Variants in TAFA5 observed in about 807,000 individuals in gnomAD.
TAFA5 encodes the protein TAFA chemokine like family member 5, also known as chemokine-like protein TAFA-5.
In TAFA5, 6 loss-of-function variants were observed where a neutral mutation model predicts 15.3. The observed-to-expected ratio is 0.39, with a 90% confidence interval of 0.21 to 0.77. TAFA5 has a LOEUF of 0.77. TAFA5 is among the 30% of genes least tolerant of loss of function. TAFA5 has a pLI of 0.41. For missense variants in TAFA5, 161 were observed against 193.1 expected (o/e 0.83, Z 0.98); for synonymous variants, 103 against 80.7 (o/e 1.28, Z -1.48).
chr22:48,607,284 G>A (rs890991174), intron 1 of TAFA5, among the ~76,000 whole-genome samples: 1 of 134,262 alleles, frequency 7.4e-6, no homozygotes, highest in African/African-American at 2.9e-5. Flanking sequence ...TCAGCCTGGA[G>A]CAGATCTGTC....
At chr22:48,581,636 C>A (rs148478146) in intron 1 of TAFA5, among the ~76,000 whole-genome samples, 12,016 of 152,162 alleles carry the variant, frequency 0.079, 628 homozygotes, top group African/African-American at 0.15. Flanking sequence ...AGGCCGGGTT[C>A]GGGGGCAACC....
At chr22:48,675,069 G>A (rs1249753790) in intron 2 of TAFA5, among the ~76,000 whole-genome samples, 2 of 152,040 alleles carry the variant, frequency 1.3e-5, no homozygotes, top group Non-Finnish European at 2.9e-5. Flanking sequence ...AGCCTCCCGA[G>A]TAGCTGGGAT....
At chr22:48,614,913 G>A (rs911540784) in intron 1 of TAFA5, among the ~76,000 whole-genome samples, 6 of 152,166 alleles carry the variant, frequency 3.9e-5, no homozygotes, top group Non-Finnish European at 8.8e-5. Flanking sequence ...TCAGCAGAGC[G>A]GGCCTGGCCT....
At chr22:48,699,940 C>G (rs1042850333) in intron 2 of TAFA5, among the ~76,000 whole-genome samples, 4 of 152,260 alleles carry the variant, frequency 2.6e-5, no homozygotes, top group Admixed American at 2.6e-4. Flanking sequence ...ACATTGAGCT[C>G]CTGCCTCTTC....
At chr22:48,623,951 G>A (rs1433036093) in intron 1 of TAFA5, among the ~76,000 whole-genome samples, 1 of 152,158 alleles carries the variant, frequency 6.6e-6, no homozygotes, top group Non-Finnish European at 1.5e-5. Flanking sequence ...ACTGGCATTG[G>A]CTTGTCATCT....
chr22:48,692,817 G>A (rs140483265), intron 2 of TAFA5, among the ~76,000 whole-genome samples: 84 of 152,316 alleles, frequency 5.5e-4, no homozygotes, highest in Middle Eastern at 3.4e-3. Flanking sequence ...GGAAGCAGCC[G>A]TGTGTCCTCA....
intron 2 of TAFA5, among the ~76,000 whole-genome samples, chr22:48,659,639 G>A (rs1363475508): frequency 2.6e-5 from 4 of 151,294 alleles, no homozygotes; most frequent in Non-Finnish European, 1.5e-5. Flanking sequence ...ACTTGTTCTC[G>A]CCCTGTCCTG....
intron 2 of TAFA5, among the ~76,000 whole-genome samples, chr22:48,706,575 T>C (rs764217069): frequency 6.6e-6 from 1 of 152,172 alleles, no homozygotes; most frequent in Non-Finnish European, 1.5e-5. Context: ...TTCTCCCTAA[T>C]CTCCCGCCAT....
chr22:48,545,448 G>A (rs915215544), intron 1 of TAFA5: 3 of 171,502 alleles, frequency 1.7e-5, no homozygotes, highest in Admixed American at 1.1e-4. Flanking sequence ...AGTGGATAGC[G>A]CAGCACACAG....
At chr22:48,743,700 C>T (rs866657487) in intron 3 of TAFA5, among the ~76,000 whole-genome samples, 2 of 152,210 alleles carry the variant, frequency 1.3e-5, no homozygotes, top group African/African-American at 2.4e-5. Context: ...GAGGCGCTGA[C>T]GTCTCTGATG....
chr22:48,632,413 C>G (rs1350303844), intron 1 of TAFA5, among the ~76,000 whole-genome samples: 1 of 150,966 alleles, frequency 6.6e-6, no homozygotes. Context: ...TTGCTTTGCC[C>G]CGACCCCTTT....
In TAFA5 at chr22:48,749,882, T is replaced by C. The variant is rs746651384; in HGVS notation, c.*35T>C. 1 of 1,550,178 alleles carries C rather than the reference T, an allele frequency of 6.5e-7. No individual in the cohort carries two copies. Among genetic ancestry groups the C allele is most frequent in the East Asian group, 2.4e-5 (1 of 41,118 alleles). On this transcript the variant is annotated 3_prime_UTR_variant, in exon 4 of 4. Coordinates refer to ENST00000402357, the MANE Select transcript of TAFA5 (RefSeq NM_001082967.3). The stretch of plus-strand genomic sequence containing the variant: ...CCCCTGAGGGGCCCCGGGAGTGGCC[T>C]TGGCTCCCTGGAGAGCCCACGTCTC...
chr22:48,656,377 G>C (rs940546687), intron 2 of TAFA5, among the ~76,000 whole-genome samples: 1 of 151,968 alleles, frequency 6.6e-6, no homozygotes, highest in East Asian at 1.9e-4. Flanking sequence ...GTGGTGGCAG[G>C]TGCCTGTAGT....
At chr22:48,707,983 C>G (rs1259674458) in intron 3 of TAFA5, 139 bp downstream of exon 3, 1 of 1,078,862 alleles carries the variant, frequency 9.3e-7, no homozygotes, top group South Asian at 1.5e-5. Flanking sequence ...GGCCCTGTCT[C>G]CTCCCCCACC....
At position 48,550,904 on chromosome 22, in the gene TAFA5, C is replaced by T. The variant is rs528221268; in HGVS notation, c.112+61200C>T. Among the ~76,000 whole-genome samples the T allele has an allele frequency of 5.1e-4, 77 of 152,156 alleles. No individual in the cohort carries two copies. The highest frequency in any genetic ancestry group is 1.8e-3 in the African/African-American group (74 of 41,530). ...TCACCTGGGGGTGAGGCAGACATTC[C>T]TAGTCCTGCTTGGGGCATCGTAAGA... On this transcript the variant is annotated intron_variant, in intron 1 of 3. Coordinates refer to ENST00000402357, the MANE Select transcript of TAFA5 (RefSeq NM_001082967.3). This position sits in a 1 kb window ranked among gnomAD's most constrained non-coding sequence, Gnocchi z 4.1.
chr22:48,522,522 G>A (rs1420322329), intron 1 of TAFA5, among the ~76,000 whole-genome samples: 4 of 152,222 alleles, frequency 2.6e-5, no homozygotes, highest in Admixed American at 1.3e-4. Flanking sequence ...CGCGTCCTCC[G>A]CTTCTGGAAA....
At chr22:48,531,551 A>T (rs1225883507) in intron 1 of TAFA5, among the ~76,000 whole-genome samples, 1 of 152,138 alleles carries the variant, frequency 6.6e-6, no homozygotes, top group Non-Finnish European at 1.5e-5. Context: ...TTGGTTTGGC[A>T]TTGGCGTCAG....
At chr22:48,697,507 A>G (rs1160495871) in intron 2 of TAFA5, among the ~76,000 whole-genome samples, 1 of 151,680 alleles carries the variant, frequency 6.6e-6, no homozygotes, top group Non-Finnish European at 1.5e-5. Context: ...GAAGGTTATG[A>G]TAATGACATT....
intron 2 of TAFA5, among the ~76,000 whole-genome samples, chr22:48,681,504 A>G (rs1267972873): frequency 6.7e-6 from 1 of 149,926 alleles, no homozygotes; most frequent in African/African-American, 2.5e-5. Context: ...AAAAAAAAAA[A>G]ATTAGGCGTG....
Sources: gnomAD v4.1 joint callset for allele counts (sites outside exome capture counted in the v4.1 genomes callset) on GRCh38, gnomAD v4.1.1 for gene constraint, Gnocchi (gnomAD v3.1) non-coding constraint, MANE v1.5 for transcripts, NCBI Gene and HGNC (gene_info 2026-07-23, HGNC 2026-07-21) for gene names.